Variants in UBR4 observed in about 807,000 individuals in gnomAD.
UBR4 encodes ubiquitin protein ligase E3 component n-recognin 4, also known as E3 ubiquitin-protein ligase UBR4.
UBR4 carries 124 observed loss-of-function variants against 575.6 expected under a neutral mutation model. The ratio of observed to expected loss-of-function variants is 0.22; its 90% CI spans 0.19 to 0.25. UBR4 has a LOEUF of 0.25. Among genes scored for constraint, UBR4 ranks in the 10% least tolerant of loss-of-function variants. UBR4 has a pLI of 1.00. For synonymous variants in UBR4, 2,455 were observed against 2,473.7 expected, an observed-to-expected ratio of 0.99 and a Z score of 0.22; for missense variants, 4,818 against 6,478.8, an observed-to-expected ratio of 0.74 and a Z score of 8.80.
chr1:19,158,092 T>C lies in UBR4; in HGVS notation c.5578-95A>G, dbSNP rs1030514307. The C allele has an allele frequency of 4.8e-5, 65 of 1,343,130 alleles. 1 individual carries two copies. In the South Asian group the frequency reaches 8.8e-4, roughly 18 times the overall value. The allele number at this position is 1,343,130 out of a possible 1,614,324, so 83.2% of individuals were successfully genotyped here. A position where few individuals can be genotyped will look rare whatever the true frequency, so the allele number is the denominator to read the frequency against. On this transcript the variant is annotated intron_variant, in intron 39 of 105. Coordinates refer to ENST00000375254, the MANE Select transcript of UBR4 (RefSeq NM_020765.3). ...TTCATGTGCCTGAGACACTGCACAA[T>C]TCAGTCATTCAAAAGCAGTGATTTC... is the stretch of plus-strand genomic sequence containing the variant.
Position 19,094,127 on chromosome 1 carries a change from G to A in UBR4, c.13759C>T (p.Leu4587=). 1.9e-6 allele frequency: 3 copies of A among 1,613,334 alleles called. No homozygotes were observed. The highest frequency in any genetic ancestry group is 2.5e-6 in the Non-Finnish European group (3 of 1,179,726). Residue 4587 remains leucine, a synonymous_variant, in exon 95 of 106, where the codon CTG becomes TTG. Coordinates refer to ENST00000375254, the MANE Select transcript of UBR4 (RefSeq NM_020765.3). The part of the protein sequence containing the change: ...PLSEDKGNLL[L]TGDKDQLVML... ...ACCAGTTGATCCTTGTCACCTGTCA[G>A]GAGGAGGTTGCCCTGCAACAGAAAA...
chr1:19,096,427 C>G, intron 92 of UBR4, 96 bp downstream of exon 92: 1 of 1,531,924 alleles, frequency 6.5e-7, no homozygotes, highest in South Asian at 1.3e-5. Flanking sequence ...ATGCTGCCCT[C>G]TAGGGTAAAA....
chr1:19,153,294 G>A lies in UBR4; in HGVS notation c.6832+7C>T, dbSNP rs747472245. On this transcript the variant is annotated splice_region_variant and intron_variant, in intron 46 of 105. Transcript: ENST00000375254. The surrounding 1 kb of genome is among the most constrained non-coding windows in gnomAD (Gnocchi z 4.1). The stretch of plus-strand genomic sequence containing the variant: ...TCCCCCACAAGTCATCTGAGAAGGA[G>A]CCTTACTGATTGTAGCTGTTTTGCG... 1.1e-5 allele frequency: 18 copies of A among 1,613,948 alleles called. No individual in the cohort carries two copies. In the Admixed American group the frequency reaches 3.0e-4, roughly 27 times the overall value.
At chr1:19,160,310 G>GA (rs61579638) in intron 38 of UBR4, 29 bp from the exon 39 acceptor site, 102,691 of 1,034,874 alleles carry the variant, frequency 0.099, no homozygotes, top group Non-Finnish European at 0.11. Flanking sequence ...ATACACCAGT[G>GA]AAAAAAAAAA....
chr1:19,087,792 C>T (rs747604009), intron 99 of UBR4, 24 bp downstream of exon 99: 46 of 1,585,780 alleles, frequency 2.9e-5, no homozygotes, highest in South Asian at 3.4e-5. Flanking sequence ...CCCTCAGGAC[C>T]GACCGTAGGC....
At chr1:19,197,372 TA>T in intron 7 of UBR4, 107 bp from the exon 8 acceptor site, 1 of 1,483,646 alleles carries the variant, frequency 6.7e-7, no homozygotes, top group Non-Finnish European at 9.2e-7. Context: ...CTCACGCCTA[TA>T]ATTCCGACAC....
At chr1:19,159,748 C>T (rs1453943849) in intron 39 of UBR4, among the ~76,000 whole-genome samples, 1 of 151,658 alleles carries the variant, frequency 6.6e-6, no homozygotes, top group Non-Finnish European at 1.5e-5. Context: ...AGTTGCTGTG[C>T]CACCATGCCA....
At chr1:19,166,696 G>A (rs1405841214) in intron 29 of UBR4, among the ~76,000 whole-genome samples, 4 of 107,284 alleles carry the variant, frequency 3.7e-5, no homozygotes, top group Non-Finnish European at 6.9e-5. Flanking sequence ...TACACAACAT[G>A]GCAAACTCCA....
chr1:19,133,795 T>A (rs1024565137), intron 60 of UBR4, among the ~76,000 whole-genome samples: 2 of 149,762 alleles, frequency 1.3e-5, no homozygotes, highest in Non-Finnish European at 3.0e-5. Context: ...AAAAAAAAAC[T>A]AGGCTGGGTA....
chr1:19,145,909 G>T lies in UBR4; in HGVS notation c.7829C>A (p.Pro2610Gln). Reference protein sequence around the residue: ...ETEGMDEGKEPQKQLEGDCCS... With the variant: ...ETEGMDEGKEQQKQLEGDCCS... Reference sequence around the variant, plus strand: ...GCAATCTCCTTCCAACTGCTTCTGCGGTTCCTTCCCTTCATCCATTCCTTC... The same window carrying T: ...GCAATCTCCTTCCAACTGCTTCTGCTGTTCCTTCCCTTCATCCATTCCTTC... Residue 2610 changes from proline to glutamine, a missense_variant, in exon 53 of 106, where the codon CCG (proline) becomes CAG (glutamine). Physicochemically the swap from Pro to Gln is moderately conservative, Grantham distance 76. Around this residue, in one of 29 missense-constraint regions of UBR4, gnomAD observed 340 missense variants for 375.4 expected, o/e 0.91. Coordinates refer to ENST00000375254, the MANE Select transcript of UBR4 (RefSeq NM_020765.3). The T allele has an allele frequency of 1.2e-6, 2 of 1,614,062 alleles. No homozygotes were observed. Among genetic ancestry groups the T allele is most frequent in the Non-Finnish European group, 1.7e-6 (2 of 1,179,984 alleles).
chr1:19,148,692 CA>C (rs1440919104), intron 49 of UBR4, 66 bp from the exon 50 acceptor site: 1 of 1,575,474 alleles, frequency 6.3e-7, no homozygotes, highest in East Asian at 2.2e-5. Flanking sequence ...TTAGCCTAAG[CA>C]AACTATAGTC....
intron 105 of UBR4, 52 bp from the exon 106 acceptor site, chr1:19,074,948 T>C (rs1285788110): frequency 6.3e-7 from 1 of 1,592,736 alleles, no homozygotes; most frequent in East Asian, 2.2e-5. Context: ...ACAGCCCCCA[T>C]TCCCCCTGAG....
chr1:19,194,037 G>A (rs1211350804), intron 8 of UBR4, among the ~76,000 whole-genome samples: 1 of 152,134 alleles, frequency 6.6e-6, no homozygotes, highest in Non-Finnish European at 1.5e-5. Flanking sequence ...CAGGGGTCGA[G>A]GGATGGGATA....
chr1:19,106,622 TC>T lies in UBR4; in HGVS notation c.12339del (p.Lys4114ArgfsTer39). ...TTGAGATCCAAGGGGGAGGTCCTCTTCCCCCGACGACTCAGGAACTGTTTCC... is the reference window on the plus strand; with the variant it reads ...TTGAGATCCAAGGGGGAGGTCCTCTTCCCCGACGACTCAGGAACTGTTTCC... ...WRWKQFLSRR[G>X]KRTSPLDLKL... On this transcript the variant is annotated frameshift_variant, in exon 83 of 106. Transcript: ENST00000375254. LOFTEE classifies it high-confidence loss of function. 1 of 1,603,688 alleles carries T rather than the reference TC, an allele frequency of 6.2e-7. No homozygotes were observed. Among genetic ancestry groups the T allele is most frequent in the Non-Finnish European group, 8.5e-7 (1 of 1,175,330 alleles).
At chr1:19,140,916 C>T (rs747726237) in intron 57 of UBR4, 24 bp from the exon 58 acceptor site, 7 of 1,585,278 alleles carry the variant, frequency 4.4e-6, no homozygotes, top group Middle Eastern at 1.7e-4. Flanking sequence ...GGAGAGTGAG[C>T]ACAACATCCC....
intron 39 of UBR4, 38 bp downstream of exon 39, chr1:19,160,073 C>T (rs1289839347): frequency 1.3e-6 from 2 of 1,591,868 alleles, no homozygotes; most frequent in East Asian, 4.5e-5. Context: ...TTTGTTGGTT[C>T]CCACAGCCAC....
intron 8 of UBR4, among the ~76,000 whole-genome samples, chr1:19,195,339 GA>G (rs962040188): frequency 7.4e-5 from 11 of 149,570 alleles, no homozygotes; most frequent in African/African-American, 2.7e-4. Flanking sequence ...TTAAGATTAT[GA>G]AAAAAAAATC....
intron 25 of UBR4, among the ~76,000 whole-genome samples, chr1:19,172,050 A>T (rs1332576949): frequency 6.6e-6 from 1 of 152,236 alleles, no homozygotes; most frequent in South Asian, 2.1e-4. Flanking sequence ...ACTTGTGAAT[A>T]ATCTCCCAAT....
At chr1:19,206,793 C>T (rs2093034570) in intron 1 of UBR4, among the ~76,000 whole-genome samples, 1 of 152,218 alleles carries the variant, frequency 6.6e-6, no homozygotes, top group East Asian at 1.9e-4. Context: ...TGCTTTCCAA[C>T]TCATCCATGT....
Sources: gnomAD v4.1 joint callset for allele counts (sites outside exome capture counted in the v4.1 genomes callset) on GRCh38, gnomAD v4.1.1 for gene constraint, gnomAD v4.1.1 regional missense constraint, Gnocchi (gnomAD v3.1) non-coding constraint, MANE v1.5 for transcripts, NCBI Gene and HGNC (gene_info 2026-07-23, HGNC 2026-07-21) for gene names.